LHX6: variants seen among roughly 807,000 people sequenced by gnomAD.
LHX6 encodes the protein LIM homeobox 6, also known as LIM/homeobox protein Lhx6.
Under a neutral mutation model 47.1 loss-of-function variants are expected in LHX6, and 15 were observed. The observed-to-expected ratio is 0.32, with a 90% CI of 0.21 to 0.49. The LOEUF is 0.49. Ranked by LOEUF, LHX6 falls within the 20% of genes least tolerant of loss-of-function variation. The pLI is 0.99. For synonymous variants in LHX6, 242 were observed against 233.5 expected (o/e 1.04, Z -0.33); for missense variants, 404 against 539.6 (o/e 0.75, Z 2.49).
chr9:122,219,701 A>G (rs1165691805), intron 4 of LHX6, among the ~76,000 whole-genome samples: 1 of 152,168 alleles, frequency 6.6e-6, no homozygotes, highest in African/African-American at 2.4e-5. Flanking sequence ...CGGTTTTCAT[A>G]GGAGGAATCG....
rs965158616 is a variant in LHX6, at chr9:122,226,146, G to T, written c.461+230C>A. Among the ~76,000 whole-genome samples, 3 of 152,204 alleles carry T rather than the reference G, an allele frequency of 2.0e-5. No individual in the cohort carries two copies. The highest frequency in any genetic ancestry group is 7.2e-5 in the African/African-American group (3 of 41,444). On this transcript the variant is annotated intron_variant, in intron 4 of 9. Coordinates refer to ENST00000394319, the MANE Select transcript of LHX6 (RefSeq NM_014368.5). The surrounding 1 kb of genome is among the most constrained non-coding windows in gnomAD (Gnocchi z 6.5). ...AGACGATACCGAAACCCAATGGACC[G>T]CGAGGACCGAAGGCAGATCCGGGGC...
At chr9:122,219,669 G>A (rs1248261794) in intron 4 of LHX6, among the ~76,000 whole-genome samples, 1 of 152,226 alleles carries the variant, frequency 6.6e-6, no homozygotes, top group Non-Finnish European at 1.5e-5. Context: ...TCGCAACCCG[G>A]TGAGGTGGGG....
rs1191498374 is a variant in LHX6 at position 122,217,219 on chromosome 9, G to A, written c.531C>T (p.Arg177=). 1.2e-6 allele frequency: 2 copies of A among 1,614,158 alleles called. No homozygotes were observed. The highest frequency in any genetic ancestry group is 3.3e-5 in the Admixed American group (2 of 60,034). ...IYASDWVRRA[R]GNAYHLACFA... is the part of the protein sequence containing the mutation. Reference sequence around the variant, plus strand: ...AGCAGGCCAGGTGGTAGGCGTTGCCGCGAGCTCTCCGCACCCAGTCGCTGG... The same window carrying A: ...AGCAGGCCAGGTGGTAGGCGTTGCCACGAGCTCTCCGCACCCAGTCGCTGG... The change falls in exon 5 of 10, where the codon CGC becomes CGT. Residue 177 remains arginine, a synonymous_variant. Coordinates refer to ENST00000394319, the MANE Select transcript of LHX6 (RefSeq NM_014368.5). This position sits in a 1 kb window ranked among gnomAD's most constrained non-coding sequence, Gnocchi z 4.9.
chr9:122,222,215 C>T (rs1302886400), intron 4 of LHX6, among the ~76,000 whole-genome samples: 5 of 152,146 alleles, frequency 3.3e-5, no homozygotes, highest in Admixed American at 2.0e-4. Context: ...GCAGATCGGG[C>T]CATGCCCTAT....
chr9:122,227,278 C>G lies in LHX6; in HGVS notation c.156+131G>C, dbSNP rs1831143560. ...CATTCCCTGCCGGAAAACCGAGGCT[C>G]AGAGAGGGGCGGCGCCCGCCGGGAG... is the stretch of plus-strand genomic sequence containing the variant. On this transcript the variant is annotated intron_variant, in intron 2 of 9. Transcript: ENST00000394319. 9.9e-6 allele frequency: 10 copies of G among 1,011,318 alleles called. No homozygotes were observed. In the South Asian group the frequency reaches 1.8e-4, roughly 19 times the overall value. The allele number at this position is 1,011,318 out of a possible 1,614,324, so 62.6% of individuals were successfully genotyped here.
In LHX6 at chr9:122,214,298, G is replaced by T; in HGVS notation, c.768C>A (p.Thr256=). ...GCAGCGGTACCTGCAGCTGTTCCGC[G>T]GTGAAGGACGTCCGCGCGCGCTTGG... ...KPAKRARTSF[T]AEQLQVMQAQ... is the part of the protein sequence containing the mutation. Residue 256 remains threonine (T), a synonymous_variant, in exon 6 of 10, where the codon ACC becomes ACA. Transcript: ENST00000394319. This position sits in a 1 kb window ranked among gnomAD's most constrained non-coding sequence, Gnocchi z 4.6. The T allele has an allele frequency of 6.3e-7, 1 of 1,598,310 alleles. No individual in the cohort carries two copies.
chr9:122,214,213 G>A lies in LHX6; in HGVS notation c.783+70C>T. On this transcript the variant is annotated intron_variant, in intron 6 of 9. Transcript: ENST00000394319. The surrounding 1 kb of genome is among the most constrained non-coding windows in gnomAD (Gnocchi z 4.6). ...GGGTCCGGCCCGAGGGGCGGAGCCAGGAGACATTGTCGGCCCCGCCCACTT... is the reference window on the plus strand; with the variant it reads ...GGGTCCGGCCCGAGGGGCGGAGCCAAGAGACATTGTCGGCCCCGCCCACTT... 1 of 1,261,878 alleles carries A rather than the reference G, an allele frequency of 7.9e-7. No individual in the cohort carries two copies. Among genetic ancestry groups the A allele is most frequent in the Non-Finnish European group, 1.1e-6 (1 of 932,336 alleles). 78.2% of individuals were successfully genotyped at this position (1,261,878 alleles called of 1,614,324 possible).
At chr9:122,222,085 A>G (rs1830886383) in intron 4 of LHX6, among the ~76,000 whole-genome samples, 1 of 152,176 alleles carries the variant, frequency 6.6e-6, no homozygotes, top group Non-Finnish European at 1.5e-5. Context: ...AGAACTCCAT[A>G]CGTTATGATG....
At chr9:122,221,752 C>T (rs1358710328) in intron 4 of LHX6, 5 of 985,354 alleles carry the variant, frequency 5.1e-6, no homozygotes, top group South Asian at 4.7e-5. Flanking sequence ...GAAAACACAG[C>T]GGGCGTGCCA....
At chr9:122,219,390 C>T (rs3793618) in intron 4 of LHX6, among the ~76,000 whole-genome samples, 49,999 of 151,998 alleles carry the variant, frequency 0.33, 8,299 homozygotes, top group Middle Eastern at 0.39. Context: ...CAGCGGAGTG[C>T]CCAGCCCAGA....
In LHX6 at chr9:122,228,662, C is replaced by T; in HGVS notation, c.79G>A (p.Asp27Asn). The part of the protein sequence containing the change: ...RLPAEGGPAT[D>N]QVMAQPGSGC... ...CCAGTCGTTCGCCGGCTCACCTGGT[C>T]GGTGGCGGGGCCGCCCTCGGCCGGC... is the stretch of plus-strand genomic sequence containing the variant. The change falls in exon 1 of 10, where the codon GAC becomes AAC. Residue 27 changes from aspartate to asparagine, a missense_variant. Around this residue, in one of 7 missense-constraint regions of LHX6, gnomAD observed 144 missense variants for 128.7 expected, o/e 1.12. Transcript: ENST00000394319. 7.7e-7 allele frequency: 1 copy of T among 1,297,808 alleles called. No individual in the cohort carries two copies. The highest frequency in any genetic ancestry group is 9.8e-7 in the Non-Finnish European group (1 of 1,024,922). 80.4% of individuals were successfully genotyped at this position (1,297,808 alleles called of 1,614,324 possible).
intron 9 of LHX6, 56 bp from the exon 10 acceptor site, chr9:122,204,836 C>A (rs374889163): frequency 5.4e-6 from 7 of 1,303,874 alleles, no homozygotes; most frequent in South Asian, 1.4e-5. Flanking sequence ...CACCCTGCTG[C>A]CCCCCAGAGA....
In LHX6 at chr9:122,214,279, G is replaced by A. The variant is rs762068989; in HGVS notation, c.783+4C>T. The A allele has an allele frequency of 6.3e-7, 1 of 1,593,174 alleles. No individual in the cohort carries two copies. The highest frequency in any genetic ancestry group is 2.3e-5 in the East Asian group (1 of 42,738). ...CCCCCGCCGCCCACTGCTTGCAGCGGTACCTGCAGCTGTTCCGCGGTGAAG... is the reference window on the plus strand; with the variant it reads ...CCCCCGCCGCCCACTGCTTGCAGCGATACCTGCAGCTGTTCCGCGGTGAAG... On this transcript the variant is annotated splice_donor_region_variant and intron_variant, in intron 6 of 9. Coordinates refer to ENST00000394319, the MANE Select transcript of LHX6 (RefSeq NM_014368.5). This position sits in a 1 kb window ranked among gnomAD's most constrained non-coding sequence, Gnocchi z 4.6.
At chr9:122,207,343 G>C (rs1830221769) in intron 9 of LHX6, among the ~76,000 whole-genome samples, 1 of 152,202 alleles carries the variant, frequency 6.6e-6, no homozygotes, top group African/African-American at 2.4e-5. Context: ...TGCACAAAAG[G>C]AAGTGATTAC....
chr9:122,213,869 C>T lies in LHX6; in HGVS notation c.880-89G>A, dbSNP rs1392350156. 2.0e-6 allele frequency: 3 copies of T among 1,522,266 alleles called. No homozygotes were observed. Among genetic ancestry groups the T allele is most frequent in the South Asian group, 1.2e-5 (1 of 84,700 alleles). The allele number at this position is 1,522,266 out of a possible 1,614,324, so 94.3% of individuals were successfully genotyped here. A position where few individuals can be genotyped will look rare whatever the true frequency, so the allele number is the denominator to read the frequency against. On this transcript the variant is annotated intron_variant, in intron 7 of 9. Coordinates refer to ENST00000394319, the MANE Select transcript of LHX6 (RefSeq NM_014368.5). This position sits in a 1 kb window ranked among gnomAD's most constrained non-coding sequence, Gnocchi z 5.5. Reference sequence around the variant, plus strand: ...CCCAGGCGGGACTGCCTCGTCGCCTCCTGGAGAAGGATGGCCACGTGCACG... The same window carrying T: ...CCCAGGCGGGACTGCCTCGTCGCCTTCTGGAGAAGGATGGCCACGTGCACG...
rs2118869431 is a variant in LHX6, at chr9:122,217,171, G to A, written c.579C>T (p.Arg193=). 1 of 1,614,258 alleles carries A rather than the reference G, an allele frequency of 6.2e-7. No homozygotes were observed. Among genetic ancestry groups the A allele is most frequent in the Middle Eastern group, 1.6e-4 (1 of 6,062 alleles). Residue 193 remains arginine, a synonymous_variant, in exon 5 of 10, where the codon CGC becomes CGT. Transcript: ENST00000394319. This position sits in a 1 kb window ranked among gnomAD's most constrained non-coding sequence, Gnocchi z 4.9. The stretch of plus-strand genomic sequence containing the variant: ...CGAACTCCTCACCAGTGGACAGCTG[G>A]CGCTTGCACGAGAAGCAGGCGAAGC... ...LACFACFSCK[R]QLSTGEEFGL... is the part of the protein sequence containing the mutation.
At chr9:122,228,272 A>G in intron 1 of LHX6, 1 of 1,534,964 alleles carries the variant, frequency 6.5e-7, no homozygotes. Context: ...AAGGGGAGGA[A>G]AAAGCACCCT....
chr9:122,228,300 CG>C, intron 1 of LHX6: 2 of 1,534,866 alleles, frequency 1.3e-6, no homozygotes, highest in East Asian at 2.5e-5. Flanking sequence ...CTCGGCGCGC[CG>C]GGTACCGGCC....
chr9:122,213,740 G>A lies in LHX6; in HGVS notation c.920C>T (p.Thr307Met). The A allele has an allele frequency of 1.9e-6, 3 of 1,608,564 alleles. No homozygotes were observed. Among genetic ancestry groups the A allele is most frequent in the East Asian group, 2.2e-5 (1 of 44,704 alleles). Residue 307 changes from threonine to methionine, a missense_variant, in exon 8 of 10, where the codon ACG (threonine) becomes ATG (methionine). By Grantham distance (81) the Thr-to-Met change is moderately conservative. This residue lies in a region of LHX6 where 2 missense variants were observed against 22.2 expected (regional missense o/e 0.09). Coordinates refer to ENST00000394319, the MANE Select transcript of LHX6 (RefSeq NM_014368.5). The surrounding 1 kb of genome is among the most constrained non-coding windows in gnomAD (Gnocchi z 5.5). ...QNCRARHKKH[T>M]PQHPVPPSGA... ...CGAGGGCGGCACTGGGTGTTGCGGC[G>A]TGTGCTTTTTATGACGCGCCCGGCA...
Sources: allele counts gnomAD v4.1 joint callset (sites outside exome capture counted in the v4.1 genomes callset), GRCh38; gene constraint gnomAD v4.1.1; regional missense constraint gnomAD v4.1.1; non-coding constraint Gnocchi (gnomAD v3.1); transcripts MANE v1.5; gene names NCBI Gene and HGNC (gene_info 2026-07-23, HGNC 2026-07-21).